NEBL: variants seen among roughly 807,000 people sequenced by gnomAD.
NEBL encodes the protein LIM and SH3 protein 2.
NEBL carries 122 observed loss-of-function variants against 140.2 expected under a neutral mutation model. That is an observed-to-expected ratio of 0.87 (90% CI 0.75 to 1.01). NEBL has a LOEUF of 1.01. NEBL is among the 50% of genes least tolerant of loss of function. The pLI, the probability that NEBL is intolerant of heterozygous loss-of-function variation, is 0.00. For synonymous variants in NEBL, 436 were observed against 398.9 expected, an observed-to-expected ratio of 1.09 and a Z score of -1.11; for missense variants, 1,365 against 1,231.3, an observed-to-expected ratio of 1.11 and a Z score of -1.62.
chr10:20,975,905 C>T (rs1470645952), intron 3 of NEBL, among the ~76,000 whole-genome samples: 2 of 151,602 alleles, frequency 1.3e-5, no homozygotes, highest in African/African-American at 2.4e-5. Context: ...AAAGAAGGGG[C>T]TCTGAGAAAC....
intron 24 of NEBL, among the ~76,000 whole-genome samples, chr10:20,810,107 C>T (rs80182205): frequency 6.6e-6 from 1 of 152,086 alleles, no homozygotes; most frequent in African/African-American, 2.4e-5. Context: ...GTTAAGAAAT[C>T]TTTGTAATCA....
intron 4 of NEBL, among the ~76,000 whole-genome samples, chr10:20,953,506 ATTTTTT>A (rs146415247): frequency 8.3e-6 from 1 of 119,802 alleles, no homozygotes. Flanking sequence ...ACAAGCCCTA[ATTTTTT>A]TTTTTTTTTT....
chr10:21,022,679 G>A (rs977963722), intron 2 of NEBL, among the ~76,000 whole-genome samples: 1 of 152,164 alleles, frequency 6.6e-6, no homozygotes, highest in East Asian at 1.9e-4. Flanking sequence ...ATAATGTAGG[G>A]TCATCTTAAT....
chr10:20,893,703 G>C (rs1847218299), intron 2 of NEBL, among the ~76,000 whole-genome samples: 1 of 152,154 alleles, frequency 6.6e-6, no homozygotes, highest in Admixed American at 6.5e-5. Context: ...GTGTCTACAG[G>C]TCTGCTGACT....
chr10:20,828,308 T>C (rs1305893924), intron 17 of NEBL, among the ~76,000 whole-genome samples: 1 of 152,146 alleles, frequency 6.6e-6, no homozygotes, highest in African/African-American at 2.4e-5. Flanking sequence ...CTGTCATTTA[T>C]ACCGAAGAGG....
At chr10:21,139,069 G>A (rs1839493284) in intron 2 of NEBL, among the ~76,000 whole-genome samples, 1 of 152,070 alleles carries the variant, frequency 6.6e-6, no homozygotes, top group Non-Finnish European at 1.5e-5. Flanking sequence ...AACAACAAAA[G>A]AGAACACGCT....
intron 4 of NEBL, among the ~76,000 whole-genome samples, chr10:20,933,737 CA>C (rs1319944001): frequency 1.3e-5 from 2 of 151,870 alleles, no homozygotes; most frequent in Non-Finnish European, 2.9e-5. Context: ...GACTCCATTT[CA>C]AAAACAAAAA....
At chr10:20,881,956 G>A (rs1846047296) in intron 4 of NEBL, among the ~76,000 whole-genome samples, 1 of 152,204 alleles carries the variant, frequency 6.6e-6, no homozygotes, top group African/African-American at 2.4e-5. Flanking sequence ...GCTCATGCCT[G>A]TAATTAGGGA....
intron 2 of NEBL, among the ~76,000 whole-genome samples, chr10:21,135,610 A>G (rs1442874400): frequency 6.6e-6 from 1 of 152,166 alleles, no homozygotes; most frequent in Admixed American, 6.5e-5. Context: ...GAAAAAAGAA[A>G]CAGCTCCTAT....
chr10:20,979,563 T>C (rs963437015), intron 3 of NEBL, among the ~76,000 whole-genome samples: 2 of 152,238 alleles, frequency 1.3e-5, no homozygotes, highest in Non-Finnish European at 2.9e-5. Flanking sequence ...TTTAGATCTT[T>C]CAATGTACAG....
chr10:21,220,409 T>A (rs890147190), intron 3 of NEBL, among the ~76,000 whole-genome samples: 5 of 152,204 alleles, frequency 3.3e-5, no homozygotes, highest in Non-Finnish European at 7.3e-5. Flanking sequence ...AGGACAATCT[T>A]GACAATAAAT....
At chr10:21,271,639 C>T (rs979278446) in intron 1 of NEBL, among the ~76,000 whole-genome samples, 3 of 151,780 alleles carry the variant, frequency 2.0e-5, no homozygotes, top group African/African-American at 7.3e-5. Context: ...GATTCTCCTG[C>T]CTCAACCTCC....
intron 1 of NEBL, among the ~76,000 whole-genome samples, chr10:21,281,190 G>A (rs556826215): frequency 4.3e-4 from 65 of 152,286 alleles, no homozygotes; most frequent in Non-Finnish European, 5.0e-4. Context: ...GCCTGAGTGA[G>A]TGAACTACTT....
chr10:21,256,626 T>A (rs1008236578), intron 1 of NEBL, among the ~76,000 whole-genome samples: 1 of 151,972 alleles, frequency 6.6e-6, no homozygotes, highest in South Asian at 2.1e-4. Context: ...AGGCCAGGAG[T>A]TCGAGACCAG....
At chr10:20,923,994 C>T (rs1476530480) in intron 4 of NEBL, among the ~76,000 whole-genome samples, 1 of 152,072 alleles carries the variant, frequency 6.6e-6, no homozygotes, top group East Asian at 1.9e-4. Context: ...ACTATGTAAG[C>T]TTTCAGGAGC....
At chr10:21,102,578 G>C (rs1048996718) in intron 2 of NEBL, among the ~76,000 whole-genome samples, 1 of 152,116 alleles carries the variant, frequency 6.6e-6, no homozygotes, top group Non-Finnish European at 1.5e-5. Flanking sequence ...AGTTTCCTTT[G>C]AGTGCAGTTG....
chr10:21,029,213 T>C, intron 2 of NEBL: 1 of 1,454,708 alleles, frequency 6.9e-7, no homozygotes, highest in Non-Finnish European at 9.6e-7. Flanking sequence ...GACCATTCCA[T>C]CCTTCCCACT....
intron 2 of NEBL, among the ~76,000 whole-genome samples, chr10:21,082,358 A>G (rs534962742): frequency 6.6e-6 from 1 of 152,238 alleles, no homozygotes; most frequent in African/African-American, 2.4e-5. Flanking sequence ...TCTGATTTGG[A>G]TGGTTAGAAT....
Position 20,787,191 on chromosome 10 carries a change from T to G in NEBL, c.2868+11A>C, listed in dbSNP as rs2131618868. 6.3e-7 allele frequency: 1 copy of G among 1,589,418 alleles called. No individual in the cohort carries two copies. On this transcript the variant is annotated intron_variant, in intron 27 of 27. Coordinates refer to ENST00000377122, the MANE Select transcript of NEBL (RefSeq NM_006393.3). ...ACCAGCTAAGGAGGAACGTATCAAA[T>G]GGACACTTACTAGATTTGGTGAATG...
Sources: gnomAD v4.1 joint callset for allele counts (sites outside exome capture counted in the v4.1 genomes callset) on GRCh38, gnomAD v4.1.1 for gene constraint, MANE v1.5 for transcripts, NCBI Gene and HGNC (gene_info 2026-07-23, HGNC 2026-07-21) for gene names.